The following NOL10 variants were observed in gnomAD, a reference collection of about 807,000 sequenced individuals.
The protein encoded by NOL10 is nucleolar protein 10.
A neutral mutation model predicts 103.5 loss-of-function variants in NOL10; 58 were observed. That is an observed-to-expected ratio of 0.56 (90% confidence interval 0.45 to 0.70). The LOEUF is 0.70. Among genes scored for constraint, NOL10 ranks in the 30% least tolerant of loss-of-function variants. The pLI, the probability that NOL10 is intolerant of heterozygous loss-of-function variation, is 0.00. For synonymous variants in NOL10, 287 were observed against 282.5 expected (o/e 1.02, Z -0.16); for missense variants, 763 against 807.3 (o/e 0.95, Z 0.67).
intron 10 of NOL10, among the ~76,000 whole-genome samples, chr2:10,658,657 T>C (rs1679998308): frequency 6.6e-6 from 1 of 152,178 alleles, no homozygotes; most frequent in African/African-American, 2.4e-5. Context: ...CTGAGAGCCT[T>C]CATTAAAACA....
chr2:10,688,525 C>G (rs1352113694), intron 1 of NOL10, among the ~76,000 whole-genome samples: 1 of 152,232 alleles, frequency 6.6e-6, no homozygotes, highest in African/African-American at 2.4e-5. Context: ...CTTCATCATC[C>G]AAGTTTCTGC....
chr2:10,599,259 T>A (rs547574062), intron 17 of NOL10, among the ~76,000 whole-genome samples: 1 of 152,310 alleles, frequency 6.6e-6, no homozygotes, highest in Non-Finnish European at 1.5e-5. Flanking sequence ...ACATCTACAG[T>A]CTAAGTTAGC....
chr2:10,600,008 TA>T (rs561886210), intron 17 of NOL10, among the ~76,000 whole-genome samples: 3,049 of 144,908 alleles, frequency 0.021, 43 homozygotes, highest in Middle Eastern at 0.036. Context: ...AGAATAAGCT[TA>T]AAAAAAAAAA....
intron 13 of NOL10, among the ~76,000 whole-genome samples, chr2:10,627,632 G>A (rs1677554728): frequency 6.6e-6 from 1 of 151,730 alleles, no homozygotes; most frequent in South Asian, 2.1e-4. Flanking sequence ...CTGAGACTGC[G>A]CCACTGCACT....
In NOL10 at chr2:10,589,198, C is replaced by T. The variant is rs374599171; in HGVS notation, c.1689G>A (p.Lys563=). Reference sequence around the variant, plus strand: ...CCTCCTGCTGGAGGAGTCTGCGTTGCTTCCTGACCTCTTCAACCCAGGCTT... The same window carrying T: ...CCTCCTGCTGGAGGAGTCTGCGTTGTTTCCTGACCTCTTCAACCCAGGCTT... ...DEKAWVEEVR[K]QRRLLQQEEK... The change falls in exon 19 of 21, where the codon AAG becomes AAA. Residue 563 remains lysine, a synonymous_variant. Coordinates refer to ENST00000381685, the MANE Select transcript of NOL10 (RefSeq NM_024894.4). 17 of 1,614,040 alleles carry T rather than the reference C, an allele frequency of 1.1e-5. No homozygotes were observed. The highest frequency in any genetic ancestry group is 1.4e-5 in the Non-Finnish European group (17 of 1,179,898).
chr2:10,635,414 T>C (rs1678137763), intron 13 of NOL10, among the ~76,000 whole-genome samples: 6 of 152,234 alleles, frequency 3.9e-5, no homozygotes, highest in Admixed American at 3.3e-4. Flanking sequence ...GCCCCAGATA[T>C]GTGCTATGAT....
intron 10 of NOL10, 57 bp from the exon 11 acceptor site, chr2:10,657,948 A>G: frequency 7.5e-7 from 1 of 1,339,192 alleles, no homozygotes; most frequent in Non-Finnish European, 1.0e-6. Flanking sequence ...CAAAGGAAAT[A>G]TTTCTAAGTG....
At chr2:10,616,641 C>T (rs1482446875) in intron 13 of NOL10, among the ~76,000 whole-genome samples, 1 of 152,078 alleles carries the variant, frequency 6.6e-6, no homozygotes, top group African/African-American at 2.4e-5. Context: ...CTCAACCTCC[C>T]AGGTTCAAGC....
chr2:10,591,016 T>C (rs1675364092), intron 17 of NOL10: 1 of 152,226 alleles, frequency 6.6e-6, no homozygotes, highest in Admixed American at 6.5e-5. Flanking sequence ...TTGCAGGCAG[T>C]TGAGTTCTGA....
At chr2:10,615,384 A>C (rs1676777397) in intron 13 of NOL10, among the ~76,000 whole-genome samples, 1 of 152,240 alleles carries the variant, frequency 6.6e-6, no homozygotes, top group Non-Finnish European at 1.5e-5. Flanking sequence ...CCACTATCTC[A>C]CTAATAGCCC....
intron 19 of NOL10, among the ~76,000 whole-genome samples, chr2:10,588,306 G>A (rs957072528): frequency 6.6e-6 from 1 of 152,072 alleles, no homozygotes; most frequent in African/African-American, 2.4e-5. Context: ...TCACACTGTT[G>A]TACAACCACC....
intron 20 of NOL10, among the ~76,000 whole-genome samples, chr2:10,574,151 T>C (rs1674329549): frequency 6.6e-6 from 1 of 152,126 alleles, no homozygotes; most frequent in African/African-American, 2.4e-5. Context: ...CTGAGAACTG[T>C]GGTGGCAAGA....
chr2:10,636,839 T>C (rs944592315), intron 13 of NOL10, among the ~76,000 whole-genome samples: 2 of 152,162 alleles, frequency 1.3e-5, no homozygotes, highest in African/African-American at 2.4e-5. Flanking sequence ...AGTTTAGAAC[T>C]AGACTAACAA....
intron 6 of NOL10, among the ~76,000 whole-genome samples, chr2:10,670,944 T>C (rs557351126): frequency 9.7e-4 from 148 of 152,340 alleles, no homozygotes; most frequent in African/African-American, 3.5e-3. Flanking sequence ...CTGTTTAATG[T>C]AGGACATCAA....
chr2:10,678,487 G>GA (rs1007585824), intron 3 of NOL10, among the ~76,000 whole-genome samples: 2 of 149,606 alleles, frequency 1.3e-5, no homozygotes, highest in Non-Finnish European at 3.0e-5. Context: ...CCAAGTAACA[G>GA]AAAAAATTAA....
At chr2:10,611,393 T>A (rs1676559380) in intron 13 of NOL10, among the ~76,000 whole-genome samples, 1 of 152,262 alleles carries the variant, frequency 6.6e-6, no homozygotes, top group Admixed American at 6.5e-5. Flanking sequence ...ACTGCTTCTA[T>A]GATTACAATT....
chr2:10,593,927 C>T (rs1047675850), intron 17 of NOL10, among the ~76,000 whole-genome samples: 2 of 152,228 alleles, frequency 1.3e-5, no homozygotes, highest in Admixed American at 6.5e-5. Context: ...GAGACAATGA[C>T]ATGTGCAGTG....
At position 10,657,771 on chromosome 2, in the gene NOL10, G is replaced by A. The variant is rs773620973; in HGVS notation, c.877C>T (p.Arg293Ter). 1.3e-6 allele frequency: 2 copies of A among 1,551,010 alleles called. No homozygotes were observed. Among genetic ancestry groups the A allele is most frequent in the Non-Finnish European group, 8.7e-7 (1 of 1,146,678 alleles). Reference sequence around the variant, plus strand: ...TTCTTATTCCACATCTTGACAATTCGAGAGTCAGCAGACAAAATCAGATCT... The same window carrying A: ...TTCTTATTCCACATCTTGACAATTCAAGAGTCAGCAGACAAAATCAGATCT... ...SLDLILSADS[R>*]IVKMWNKNSG... Residue 293 changes from arginine to a stop codon, truncating the protein, a stop_gained, in exon 11 of 21, where the codon CGA becomes TGA. Transcript: ENST00000381685. LOFTEE classifies it high-confidence loss of function.
chr2:10,636,079 G>C (rs1308593730), intron 13 of NOL10, among the ~76,000 whole-genome samples: 3 of 151,946 alleles, frequency 2.0e-5, no homozygotes, highest in Non-Finnish European at 4.4e-5. Flanking sequence ...GTAGAGACAG[G>C]GTTTCGCCTT....
Sources: allele counts gnomAD v4.1 joint callset (sites outside exome capture counted in the v4.1 genomes callset), GRCh38; gene constraint gnomAD v4.1.1; transcripts MANE v1.5; gene names NCBI Gene and HGNC (gene_info 2026-07-23, HGNC 2026-07-21).